ZCCHC2: variants seen among roughly 807,000 people sequenced by gnomAD.
ZCCHC2 encodes zinc finger CCHC domain-containing protein 2.
In ZCCHC2, 39 loss-of-function variants were observed where a neutral mutation model predicts 103.6. That is an observed-to-expected ratio of 0.38 (90% CI 0.29 to 0.49). The LOEUF (loss-of-function observed/expected upper bound fraction) is 0.49, where lower values mean the gene tolerates loss of function less well. ZCCHC2 is among the 20% of genes least tolerant of loss of function. The probability of loss-of-function intolerance (pLI) is 0.96; values close to 1 mark genes in which losing one functional copy is unlikely to be tolerated. For synonymous variants in ZCCHC2, 687 were observed against 608.9 expected (o/e 1.13, Z -1.89); for missense variants, 1,483 against 1,491.0 (o/e 0.99, Z 0.09).
At chr18:62,560,982 G>A (rs1916091547) in intron 8 of ZCCHC2, among the ~76,000 whole-genome samples, 1 of 152,174 alleles carries the variant, frequency 6.6e-6, no homozygotes. Context: ...CAAACAATTT[G>A]AGGACCTTAG....
intron 12 of ZCCHC2, among the ~76,000 whole-genome samples, chr18:62,572,342 G>A (rs1447657188): frequency 6.6e-6 from 1 of 152,240 alleles, no homozygotes; most frequent in Non-Finnish European, 1.5e-5. Context: ...ATTTGGCCCT[G>A]TCCGAAGTGT....
intron 1 of ZCCHC2, among the ~76,000 whole-genome samples, chr18:62,535,848 T>C (rs988007597): frequency 2.0e-5 from 3 of 152,272 alleles, no homozygotes; most frequent in Non-Finnish European, 4.4e-5. Flanking sequence ...TGTTATATAT[T>C]GCTGTTAATT....
chr18:62,549,996 T>G (rs1240261337), intron 4 of ZCCHC2, among the ~76,000 whole-genome samples: 1 of 152,218 alleles, frequency 6.6e-6, no homozygotes, highest in East Asian at 1.9e-4. Context: ...CTGAGCAGAA[T>G]CTTCACCTTA....
At chr18:62,581,945 C>A, downstream of ZCCHC2, 1 of 158,910 alleles carries the variant, frequency 6.3e-6, no homozygotes. Context: ...GAAAGAGCCC[C>A]AGAGTGGAGA....
intron 3 of ZCCHC2, among the ~76,000 whole-genome samples, 176 bp from the exon 4 acceptor site, chr18:62,544,626 A>G (rs1372388948): frequency 2.0e-5 from 3 of 152,212 alleles, no homozygotes; most frequent in African/African-American, 4.8e-5. Context: ...GCGTATGTCA[A>G]TGTGCAGTTA....
chr18:62,570,155 A>G lies in ZCCHC2; in HGVS notation c.1899A>G (p.Ser633=), dbSNP rs8096750. 0.69 allele frequency: 1,117,285 copies of G among 1,611,294 alleles called. 395,035 individuals carry two copies. The highest frequency in any genetic ancestry group is 1 in the East Asian group (44,762 of 44,846). Residue 633 remains serine, a synonymous_variant, in exon 12 of 14, where the codon TCA becomes TCG. Coordinates refer to ENST00000269499, the MANE Select transcript of ZCCHC2 (RefSeq NM_017742.6). The part of the protein sequence containing the change: ...SGHDTCGETS[S]ESYSSPSSPR... ...ATGACACATGTGGAGAAACATCTTC[A>G]GAGAGTTACAGTTCTCCATCTAGTC...
At chr18:62,550,592 T>G in intron 5 of ZCCHC2, 132 bp downstream of exon 5, 1 of 658,598 alleles carries the variant, frequency 1.5e-6, no homozygotes. Flanking sequence ...CATGTTATCC[T>G]TGTGCTATTT....
intron 6 of ZCCHC2, among the ~76,000 whole-genome samples, chr18:62,558,031 T>A (rs79479589): frequency 6.7e-6 from 1 of 150,254 alleles, no homozygotes; most frequent in Non-Finnish European, 1.5e-5. Context: ...TTTTTTTTTT[T>A]AATTGATAGC....
Position 62,574,989 on chromosome 18 carries a change from C to A in ZCCHC2, c.2908C>A (p.Pro970Thr). The change falls in exon 13 of 14, where the codon CCG (proline) becomes ACG (threonine). Residue 970 changes from proline to threonine, a missense_variant. Physicochemically the swap from Pro to Thr is conservative, Grantham distance 38. Around this residue, in one of 3 missense-constraint regions of ZCCHC2, gnomAD observed 884 missense variants for 907.5 expected, o/e 0.97. Transcript: ENST00000269499. ...AVPTHTPGPA[P>T]SPSPALTHST... ...TCCTACCCACACCCCAGGCCCTGCC[C>A]CGAGCCCAAGCCCTGCCTTGACACA... 1.2e-6 allele frequency: 2 copies of A among 1,613,968 alleles called. No individual in the cohort carries two copies. The highest frequency in any genetic ancestry group is 1.7e-6 in the Non-Finnish European group (2 of 1,179,872).
chr18:62,553,156 A>ATGTGTGTGTGTGTGTGTG (rs142422088), intron 5 of ZCCHC2, among the ~76,000 whole-genome samples: 1 of 139,742 alleles, frequency 7.2e-6, no homozygotes, highest in Non-Finnish European at 1.5e-5. Context: ...CCTTAGATTT[A>ATGTGTGTGTGTGTGTGTG]TGTGTGTGTG....
intron 3 of ZCCHC2, among the ~76,000 whole-genome samples, chr18:62,544,112 A>G (rs1400857834): frequency 6.6e-6 from 1 of 152,208 alleles, no homozygotes; most frequent in Non-Finnish European, 1.5e-5. Context: ...AGAAATTTTT[A>G]GGGGGCCACA....
chr18:62,532,594 G>A (rs914273559), intron 1 of ZCCHC2, among the ~76,000 whole-genome samples: 13 of 152,104 alleles, frequency 8.5e-5, no homozygotes, highest in African/African-American at 3.1e-4. Context: ...TTCTAGGCTG[G>A]GTTCATGCCA....
chr18:62,568,788 G>A (rs941471895), intron 11 of ZCCHC2, among the ~76,000 whole-genome samples: 1 of 152,140 alleles, frequency 6.6e-6, no homozygotes, highest in Non-Finnish European at 1.5e-5. Context: ...GTTATATGCT[G>A]GTTGAAATAT....
intron 12 of ZCCHC2, among the ~76,000 whole-genome samples, chr18:62,572,565 C>G (rs1916635711): frequency 6.6e-6 from 1 of 152,120 alleles, no homozygotes; most frequent in African/African-American, 2.4e-5. Flanking sequence ...TGAAAAGTCT[C>G]CTTTGAAAAG....
intron 12 of ZCCHC2, among the ~76,000 whole-genome samples, chr18:62,571,171 G>A (rs1227690525): frequency 2.0e-5 from 3 of 151,734 alleles, no homozygotes; most frequent in South Asian, 2.1e-4. Flanking sequence ...AATGTCCTGC[G>A]GGTAAGAGGC....
At chr18:62,545,835 A>G (rs575523029) in intron 4 of ZCCHC2, among the ~76,000 whole-genome samples, 26 of 152,334 alleles carry the variant, frequency 1.7e-4, no homozygotes, top group African/African-American at 6.3e-4. Context: ...TGTCACCATA[A>G]GTGTGTTCTT....
chr18:62,573,340 A>G (rs897749900), intron 12 of ZCCHC2, among the ~76,000 whole-genome samples: 63 of 152,270 alleles, frequency 4.1e-4, no homozygotes, highest in African/African-American at 1.5e-3. Context: ...GGCTAGGTCC[A>G]CGCTATTTCT....
At position 62,542,722 on chromosome 18, in the gene ZCCHC2, G is replaced by T; in HGVS notation, c.1128+148G>T. ...GTACTGTTTTTTATCATATACTACT[G>T]CATGGTTTGCCAAGTTTTTTTGAAG... On this transcript the variant is annotated intron_variant, in intron 3 of 13. Coordinates refer to ENST00000269499, the MANE Select transcript of ZCCHC2 (RefSeq NM_017742.6). The T allele has an allele frequency of 6.3e-6, 4 of 633,842 alleles. No homozygotes were observed. The South Asian group carries it at 1.1e-4, about 18-fold the overall frequency. The allele number at this position is 633,842 out of a possible 1,614,324, so 39.3% of individuals were successfully genotyped here. A position where few individuals can be genotyped will look rare whatever the true frequency, so the allele number is the denominator to read the frequency against.
intron 4 of ZCCHC2, among the ~76,000 whole-genome samples, chr18:62,545,758 C>T (rs951863395): frequency 3.9e-5 from 6 of 152,178 alleles, no homozygotes; most frequent in Non-Finnish European, 8.8e-5. Flanking sequence ...GTTTTGGTTA[C>T]AAGTGTAGTT....
Sources: allele counts gnomAD v4.1 joint callset (sites outside exome capture counted in the v4.1 genomes callset), GRCh38; gene constraint gnomAD v4.1.1; regional missense constraint gnomAD v4.1.1; transcripts MANE v1.5; gene names NCBI Gene and HGNC (gene_info 2026-07-23, HGNC 2026-07-21).